BIN1: variants seen among roughly 807,000 people sequenced by gnomAD.
BIN1 encodes myc box-dependent-interacting protein 1.
A neutral mutation model predicts 82.0 loss-of-function variants in BIN1; 53 were observed. The observed-to-expected ratio is 0.65, with a 90% CI of 0.52 to 0.81. BIN1 has a LOEUF of 0.81. BIN1 is among the 40% of genes least tolerant of loss of function. The pLI, the probability that BIN1 is intolerant of heterozygous loss-of-function variation, is 0.00. For synonymous variants in BIN1, 302 were observed against 328.0 expected (o/e 0.92, Z 0.86); for missense variants, 642 against 784.4 (o/e 0.82, Z 2.17).
chr2:127,056,655 G>A (rs1026798213), intron 12 of BIN1, among the ~76,000 whole-genome samples: 4 of 152,222 alleles, frequency 2.6e-5, no homozygotes, highest in African/African-American at 9.6e-5. Flanking sequence ...ACCCACAGGA[G>A]GAAGGCTGAG....
chr2:127,054,275 C>T, intron 12 of BIN1: 1 of 514,536 alleles, frequency 1.9e-6, no homozygotes. Context: ...GACCCCAGTG[C>T]CCGCCTCAAA....
rs768605664 is a variant in BIN1 at position 127,062,156 on chromosome 2, C to T, written c.816G>A (p.Lys272=). The change falls in exon 10 of 19, where the codon AAG becomes AAA. Residue 272 remains lysine, a synonymous_variant. Transcript: ENST00000316724. ...NLNDVLVGLE[K]QHGSNTFTVK... is the part of the protein sequence containing the mutation. The stretch of plus-strand genomic sequence containing the variant: ...CCGTGAAGGTGTTGCTCCCGTGTTG[C>T]TTCTCCAGGCCGACCAGCACATCAT... 6.2e-7 allele frequency: 1 copy of T among 1,611,206 alleles called. No individual in the cohort carries two copies.
chr2:127,068,675 A>G lies in BIN1; in HGVS notation c.519+249T>C, dbSNP rs1685472454. ...AGGGAAACCCAGGAGGCCCATTCTC[A>G]GGCTGGCAGGTGGCCTGGATCAGGG... On this transcript the variant is annotated intron_variant, in intron 6 of 18. Transcript: ENST00000316724. This position sits in a 1 kb window ranked among gnomAD's most constrained non-coding sequence, Gnocchi z 4.9. Among the ~76,000 whole-genome samples, 1 of 152,086 alleles carries G rather than the reference A, an allele frequency of 6.6e-6. No individual in the cohort carries two copies. Among genetic ancestry groups the G allele is most frequent in the Non-Finnish European group, 1.5e-5 (1 of 67,998 alleles).
intron 1 of BIN1, among the ~76,000 whole-genome samples, chr2:127,088,991 A>C (rs4663094): frequency 0.59 from 90,035 of 151,852 alleles, 26,855 homozygotes; most frequent in African/African-American, 0.63. Flanking sequence ...GGGGGCAGGG[A>C]GGACCAGGAG....
chr2:127,085,590 C>T (rs973408268), intron 1 of BIN1, among the ~76,000 whole-genome samples: 7 of 152,036 alleles, frequency 4.6e-5, no homozygotes, highest in African/African-American at 1.2e-4. Context: ...GAGGGAGGCC[C>T]GGGGAGAGCC....
At chr2:127,051,004 G>T (rs181369236) in intron 16 of BIN1, 92 bp from the exon 17 acceptor site, 2 of 1,508,164 alleles carry the variant, frequency 1.3e-6, no homozygotes, top group Admixed American at 1.7e-5. Flanking sequence ...GGGGAGAAAG[G>T]TGTCTGCGCC....
At position 127,059,251 on chromosome 2, in the gene BIN1, T is replaced by A; in HGVS notation, c.858-96A>T. ...ATTGACGTCTGTGTGAAGAGGTGTGTGCATATGGAGGTGTGAAACTGTGTG... is the reference window on the plus strand; with the variant it reads ...ATTGACGTCTGTGTGAAGAGGTGTGAGCATATGGAGGTGTGAAACTGTGTG... On this transcript the variant is annotated intron_variant, in intron 10 of 18. Coordinates refer to ENST00000316724, the MANE Select transcript of BIN1 (RefSeq NM_139343.3). The surrounding 1 kb of genome is among the most constrained non-coding windows in gnomAD (Gnocchi z 6.7). The A allele has an allele frequency of 7.0e-7, 1 of 1,428,136 alleles. No homozygotes were observed. The highest frequency in any genetic ancestry group is 1.2e-5 in the South Asian group (1 of 81,650). The allele number at this position is 1,428,136 out of a possible 1,614,324, so 88.5% of individuals were successfully genotyped here.
rs35535012 is a variant in BIN1, at chr2:127,106,914, C to T, written c.30G>A (p.Thr10=). The T allele has an allele frequency of 1.7e-3, 2,685 of 1,612,798 alleles. 12 individuals are homozygous for T. Among genetic ancestry groups the T allele is most frequent in the South Asian group, 3.5e-3 (314 of 90,978 alleles). The change falls in exon 1 of 19, where the codon ACG becomes ACA. Residue 10 remains threonine, a synonymous_variant. Transcript: ENST00000316724. ...GCACGTTGCTGGCGATCTTTCCCGC[C>T]GTCACCCCTTTACTGCCCATCTCTG... is the stretch of plus-strand genomic sequence containing the variant. The part of the protein sequence containing the change: MAEMGSKGV[T]AGKIASNVQK...
chr2:127,070,670 G>T, intron 3 of BIN1, 23 bp from the exon 4 acceptor site: 1 of 1,613,970 alleles, frequency 6.2e-7, no homozygotes, highest in East Asian at 2.2e-5. Context: ...AAGGAAGTAT[G>T]TGGGCCTCCC....
intron 1 of BIN1, among the ~76,000 whole-genome samples, chr2:127,081,461 C>T (rs553258625): frequency 3.5e-4 from 54 of 152,320 alleles, no homozygotes; most frequent in African/African-American, 1.2e-3. Flanking sequence ...CTGATCCCTC[C>T]CTCGGCCCCA....
In BIN1 at chr2:127,063,650, C is replaced by A; in HGVS notation, c.699-4G>T. 1 of 1,613,294 alleles carries A rather than the reference C, an allele frequency of 6.2e-7. No homozygotes were observed. Among genetic ancestry groups the A allele is most frequent in the Non-Finnish European group, 8.5e-7 (1 of 1,179,662 alleles). ...GTTGACGTAGAAACCTACGCGGCTACAGAAGGGCGGAAGGATGGGGGCCAG... is the reference window on the plus strand; with the variant it reads ...GTTGACGTAGAAACCTACGCGGCTAAAGAAGGGCGGAAGGATGGGGGCCAG... On this transcript the variant is annotated splice_region_variant and splice_polypyrimidine_tract_variant and intron_variant, in intron 8 of 18. Transcript: ENST00000316724.
In BIN1 at chr2:127,053,583, T is replaced by C. The variant is rs538904399; in HGVS notation, c.1240-138A>G. ...GGCACAGGAGTGGCTCGGAGCCAGG[T>C]AGACTCCAAGATTTGCAGGTGGCCG... On this transcript the variant is annotated intron_variant, in intron 13 of 18. Transcript: ENST00000316724. 85 of 1,174,644 alleles carry C rather than the reference T, an allele frequency of 7.2e-5. 2 individuals are homozygous for C. In the South Asian group the frequency reaches 9.5e-4, roughly 13 times the overall value. 72.8% of individuals were successfully genotyped at this position (1,174,644 alleles called of 1,614,324 possible).
chr2:127,073,606 G>A (rs944371827), intron 2 of BIN1, among the ~76,000 whole-genome samples: 12 of 152,302 alleles, frequency 7.9e-5, no homozygotes, highest in Admixed American at 2.0e-4. Flanking sequence ...GGGCAGGGAC[G>A]GCCCTCCTAC....
intron 1 of BIN1, among the ~76,000 whole-genome samples, chr2:127,092,192 G>A (rs374624249): frequency 1.3e-5 from 2 of 152,096 alleles, no homozygotes; most frequent in Admixed American, 6.5e-5. Context: ...GAGGGGCTCC[G>A]GGCTTCCTCC....
chr2:127,069,570 C>G (rs538421634), intron 5 of BIN1, among the ~76,000 whole-genome samples: 13 of 152,320 alleles, frequency 8.5e-5, no homozygotes, highest in Non-Finnish European at 1.6e-4. Flanking sequence ...CACAACCACA[C>G]GCACACACCC....
At chr2:127,085,228 G>A (rs1005099014) in intron 1 of BIN1, among the ~76,000 whole-genome samples, 1 of 152,220 alleles carries the variant, frequency 6.6e-6, no homozygotes, top group Admixed American at 6.5e-5. Flanking sequence ...TCCTGCTGGA[G>A]AGCAGAGCCC....
chr2:127,053,550 G>T, intron 13 of BIN1, 105 bp from the exon 14 acceptor site: 1 of 1,456,514 alleles, frequency 6.9e-7, no homozygotes, highest in Non-Finnish European at 9.4e-7. Flanking sequence ...AGGCCATCCA[G>T]CCCAGCAGGC....
intron 1 of BIN1, among the ~76,000 whole-genome samples, chr2:127,088,650 A>T (rs1678499189): frequency 6.6e-6 from 1 of 151,818 alleles, no homozygotes; most frequent in African/African-American, 2.4e-5. Flanking sequence ...GGGCAGGAGG[A>T]TGCCTTGAGT....
chr2:127,102,330 C>A (rs182931727), intron 1 of BIN1, among the ~76,000 whole-genome samples: 1 of 152,292 alleles, frequency 6.6e-6, no homozygotes, highest in Non-Finnish European at 1.5e-5. Flanking sequence ...GAGAAGGGAG[C>A]CCCGATGTGG....
Sources: gnomAD v4.1 joint callset for allele counts (sites outside exome capture counted in the v4.1 genomes callset) on GRCh38, gnomAD v4.1.1 for gene constraint, Gnocchi (gnomAD v3.1) non-coding constraint, MANE v1.5 for transcripts, NCBI Gene and HGNC (gene_info 2026-07-23, HGNC 2026-07-21) for gene names.